Variants in TPBG observed in about 807,000 individuals in gnomAD.
The protein encoded by TPBG is 5T4 oncofetal antigen.
TPBG carries 13 observed loss-of-function variants against 19.3 expected under a neutral mutation model. The observed-to-expected ratio is 0.67, with a 90% CI of 0.44 to 1.07. The LOEUF (loss-of-function observed/expected upper bound fraction) is 1.07, where lower values mean the gene tolerates loss of function less well. TPBG is among the 50% of genes least tolerant of loss of function. TPBG has a pLI of 0.00. For missense variants in TPBG, 642 were observed against 559.6 expected (o/e 1.15, Z -1.49); for synonymous variants, 338 against 259.8 (o/e 1.30, Z -2.89).
chr6:82,363,866 C>T lies in TPBG; in HGVS notation c.-382C>T, dbSNP rs1231222609. The T allele has an allele frequency of 6.6e-6, 1 of 152,576 alleles. No homozygotes were observed. Among genetic ancestry groups the T allele is most frequent in the Admixed American group, 6.5e-5 (1 of 15,276 alleles). The allele number at this position is 152,576 out of a possible 1,614,324, so 9.5% of individuals were successfully genotyped here. ...GCGGAGCCGGGAAGTCGTCGCTACT[C>T]TGGTGGAACTCAGAGTTGGTTCTGG... On this transcript the variant is annotated 5_prime_UTR_variant, in exon 1 of 2. Coordinates refer to ENST00000369750, the MANE Select transcript of TPBG (RefSeq NM_001376922.1).
In TPBG at chr6:82,366,191, A is replaced by T. The variant is rs754110239; in HGVS notation, c.1230A>T (p.Arg410Ser). The T allele has an allele frequency of 1.2e-6, 2 of 1,604,012 alleles. No homozygotes were observed. Among genetic ancestry groups the T allele is most frequent in the Non-Finnish European group, 1.7e-6 (2 of 1,175,488 alleles). Reference sequence around the variant, plus strand: ...GATATGAAATCAATGCGGACCCCAGATTAACGAACCTCAGTTCTAACTCGG... The same window carrying T: ...GATATGAAATCAATGCGGACCCCAGTTTAACGAACCTCAGTTCTAACTCGG... ...HYRYEINADP[R>S]LTNLSSNSDV The change falls in exon 2 of 2, where the codon AGA becomes AGT. Residue 410 changes from arginine (R) to serine (S), a missense_variant. Physicochemically the swap from Arg to Ser is moderately radical, Grantham distance 110 (BLOSUM62 -1). Transcript: ENST00000369750.
chr6:82,364,352 G>A (rs942021546), intron 1 of TPBG: 1 of 152,692 alleles, frequency 6.5e-6, no homozygotes, highest in African/African-American at 2.4e-5. Flanking sequence ...CGGGAGACGA[G>A]TCTCCTCGGG....
rs1767480126 is a variant in TPBG, at chr6:82,365,735, A to G, written c.774A>G (p.Thr258=). The part of the protein sequence containing the change: ...SLTYVSFRNL[T]HLESLHLEDN... ...CCTACGTGTCCTTCCGCAACCTGAC[A>G]CATCTAGAAAGCCTCCACCTGGAGG... Residue 258 remains threonine (T), a synonymous_variant, in exon 2 of 2, where the codon ACA becomes ACG. Transcript: ENST00000369750. 6.2e-7 allele frequency: 1 copy of G among 1,613,334 alleles called. No individual in the cohort carries two copies. The highest frequency in any genetic ancestry group is 1.3e-5 in the African/African-American group (1 of 74,908).
rs1767502138 is a variant in TPBG at position 82,366,298 on chromosome 6, T to C, written c.*74T>C. 2.0e-6 allele frequency: 3 copies of C among 1,469,926 alleles called. No individual in the cohort carries two copies. Among genetic ancestry groups the C allele is most frequent in the Non-Finnish European group, 2.7e-6 (3 of 1,096,854 alleles). The allele number at this position is 1,469,926 out of a possible 1,614,324, so 91.1% of individuals were successfully genotyped here. Reference sequence around the variant, plus strand: ...TAAGCTTTATCCCTACTAGGCTTGCTCCACTTTCATCCTCCACTATAGATA... The same window carrying C: ...TAAGCTTTATCCCTACTAGGCTTGCCCCACTTTCATCCTCCACTATAGATA... On this transcript the variant is annotated 3_prime_UTR_variant, in exon 2 of 2. Coordinates refer to ENST00000369750, the MANE Select transcript of TPBG (RefSeq NM_001376922.1).
rs1283207806 is a variant in TPBG, at chr6:82,364,969, G to T, written c.8G>T (p.Gly3Val). 1.3e-6 allele frequency: 2 copies of T among 1,507,748 alleles called. No homozygotes were observed. The highest frequency in any genetic ancestry group is 5.3e-5 in the East Asian group (2 of 37,610). The allele number at this position is 1,507,748 out of a possible 1,614,324, so 93.4% of individuals were successfully genotyped here. A position where few individuals can be genotyped will look rare whatever the true frequency, so the allele number is the denominator to read the frequency against. MP[G>V]GCSRGPAAGD... ...GGGGAAACGCGAGCCGCGATGCCTGGGGGGTGCTCCCGGGGCCCCGCCGCC... is the reference window on the plus strand; with the variant it reads ...GGGGAAACGCGAGCCGCGATGCCTGTGGGGTGCTCCCGGGGCCCCGCCGCC... The change falls in exon 2 of 2, where the codon GGG becomes GTG. Residue 3 changes from glycine (G) to valine (V), a missense_variant. Gly to Val is a moderately radical substitution (Grantham distance 109). Coordinates refer to ENST00000369750, the MANE Select transcript of TPBG (RefSeq NM_001376922.1).
At position 82,365,274 on chromosome 6, in the gene TPBG, G is replaced by C; in HGVS notation, c.313G>C (p.Val105Leu). 6.4e-7 allele frequency: 1 copy of C among 1,571,692 alleles called. No individual in the cohort carries two copies. The highest frequency in any genetic ancestry group is 8.6e-7 in the Non-Finnish European group (1 of 1,168,270). Residue 105 changes from valine to leucine, a missense_variant, in exon 2 of 2, where the codon GTG becomes CTG. Coordinates refer to ENST00000369750, the MANE Select transcript of TPBG (RefSeq NM_001376922.1). ...CTTCCTTACCGGCAACCAGCTGGCC[G>C]TGCTCCCTGCCGGCGCCTTCGCCCG... is the stretch of plus-strand genomic sequence containing the variant. ...NLFLTGNQLA[V>L]LPAGAFARRP...
Position 82,366,038 on chromosome 6 carries a change from G to A in TPBG, c.1077G>A (p.Leu359=), listed in dbSNP as rs370375101. Residue 359 remains leucine (L), a synonymous_variant, in exon 2 of 2, where the codon CTG becomes CTA. Transcript: ENST00000369750. ...CCCTGCAAACCTCTTATGTCTTCCTGGGTATTGTTTTAGCCCTGATAGGCG... is the reference window on the plus strand; with the variant it reads ...CCCTGCAAACCTCTTATGTCTTCCTAGGTATTGTTTTAGCCCTGATAGGCG... ...PPSLQTSYVF[L]GIVLALIGAI... 2 of 1,613,916 alleles carry A rather than the reference G, an allele frequency of 1.2e-6. No homozygotes were observed. The highest frequency in any genetic ancestry group is 1.1e-5 in the South Asian group (1 of 91,064).
chr6:82,364,902 C>A lies in TPBG; in HGVS notation c.-60C>A. On this transcript the variant is annotated 5_prime_UTR_variant, in exon 2 of 2. Transcript: ENST00000369750. The stretch of plus-strand genomic sequence containing the variant: ...GCCGGCTCGCGCCCTCCGGGCCCAG[C>A]CTCCCGAGCCTTCGGAGCGGGCGCC... The A allele has an allele frequency of 7.6e-7, 1 of 1,322,726 alleles. No homozygotes were observed. Among genetic ancestry groups the A allele is most frequent in the South Asian group, 1.9e-5 (1 of 51,684 alleles). 81.9% of individuals were successfully genotyped at this position (1,322,726 alleles called of 1,614,324 possible). A position where few individuals can be genotyped will look rare whatever the true frequency, so the allele number is the denominator to read the frequency against.
rs1295827177 is a variant in TPBG at position 82,365,051 on chromosome 6, C to T, written c.90C>T (p.Ser30=). 3.2e-6 allele frequency: 5 copies of T among 1,550,396 alleles called. No homozygotes were observed. Among genetic ancestry groups the T allele is most frequent in the Non-Finnish European group, 4.4e-6 (5 of 1,147,090 alleles). Residue 30 remains serine, a synonymous_variant, in exon 2 of 2, where the codon TCC becomes TCT. Coordinates refer to ENST00000369750, the MANE Select transcript of TPBG (RefSeq NM_001376922.1). ...RLALVLLGWV[S]SSSPTSSASS... ...CGCTGGTACTCCTGGGCTGGGTCTC[C>T]TCGTCTTCTCCCACCTCCTCGGCAT...
rs894090585 is a variant in TPBG, at chr6:82,366,945, G to C, written c.*721G>C. Reference sequence around the variant, plus strand: ...CTTAAAAGAATTACAGTGTGTGCAAGTTTGCTTTGAAAAAAGGATGAAGGG... The same window carrying C: ...CTTAAAAGAATTACAGTGTGTGCAACTTTGCTTTGAAAAAAGGATGAAGGG... On this transcript the variant is annotated 3_prime_UTR_variant, in exon 2 of 2. Transcript: ENST00000369750. 10 of 166,520 alleles carry C rather than the reference G, an allele frequency of 6.0e-5. No homozygotes were observed. The highest frequency in any genetic ancestry group is 1.7e-4 in the African/African-American group (7 of 41,312). The allele number at this position is 166,520 out of a possible 1,614,324, so 10.3% of individuals were successfully genotyped here.
chr6:82,364,816 C>T lies in TPBG; in HGVS notation c.-146C>T. 2 of 670,466 alleles carry T rather than the reference C, an allele frequency of 3.0e-6. No homozygotes were observed. Among genetic ancestry groups the T allele is most frequent in the Non-Finnish European group, 2.2e-6 (1 of 445,614 alleles). The allele number at this position is 670,466 out of a possible 1,614,324, so 41.5% of individuals were successfully genotyped here. A position where few individuals can be genotyped will look rare whatever the true frequency, so the allele number is the denominator to read the frequency against. Reference sequence around the variant, plus strand: ...GGTGGCGAGGGGGTTAGCCAAGTTCCGGCTGCGGCGCCACTCCCTCGGTTC... The same window carrying T: ...GGTGGCGAGGGGGTTAGCCAAGTTCTGGCTGCGGCGCCACTCCCTCGGTTC... On this transcript the variant is annotated 5_prime_UTR_variant, in exon 2 of 2. Transcript: ENST00000369750.
In TPBG at chr6:82,365,953, A is replaced by G; in HGVS notation, c.992A>G (p.Asn331Ser). ...LTCAYPEKMR[N>S]RVLLELNSAD... ...TGTGCATATCCGGAAAAAATGAGGA[A>G]TCGGGTCCTCTTGGAACTCAACAGT... Residue 331 changes from asparagine to serine, a missense_variant, in exon 2 of 2, where the codon AAT (asparagine) becomes AGT (serine). Transcript: ENST00000369750. The G allele has an allele frequency of 6.2e-7, 1 of 1,614,154 alleles. No homozygotes were observed.
rs1365261618 is a variant in TPBG at position 82,365,183 on chromosome 6, A to G, written c.222A>G (p.Thr74=). 6.2e-7 allele frequency: 1 copy of G among 1,600,486 alleles called. No homozygotes were observed. The highest frequency in any genetic ancestry group is 1.7e-5 in the Admixed American group (1 of 58,478). Residue 74 remains threonine (T), a synonymous_variant, in exon 2 of 2, where the codon ACA becomes ACG. Coordinates refer to ENST00000369750, the MANE Select transcript of TPBG (RefSeq NM_001376922.1). ...ALCECSEAAR[T]VKCVNRNLTE... ...GCGAGTGCTCCGAGGCAGCGCGCACAGTCAAGTGCGTTAACCGCAATCTGA... is the reference window on the plus strand; with the variant it reads ...GCGAGTGCTCCGAGGCAGCGCGCACGGTCAAGTGCGTTAACCGCAATCTGA...
Position 82,366,935 on chromosome 6 carries a change from G to C in TPBG, c.*711G>C, listed in dbSNP as rs1054024841. The C allele has an allele frequency of 6.0e-6, 1 of 166,488 alleles. No homozygotes were observed. Among genetic ancestry groups the C allele is most frequent in the Non-Finnish European group, 1.5e-5 (1 of 68,048 alleles). 10.3% of individuals were successfully genotyped at this position (166,488 alleles called of 1,614,324 possible). A position where few individuals can be genotyped will look rare whatever the true frequency, so the allele number is the denominator to read the frequency against. ...AATAAAGATTCTTAAAAGAATTACA[G>C]TGTGTGCAAGTTTGCTTTGAAAAAA... On this transcript the variant is annotated 3_prime_UTR_variant, in exon 2 of 2. Transcript: ENST00000369750.
rs1582037370 is a variant in TPBG at position 82,365,003 on chromosome 6, G to C, written c.42G>C (p.Gly14=). The C allele has an allele frequency of 2.0e-6, 3 of 1,531,404 alleles. No homozygotes were observed. Among genetic ancestry groups the C allele is most frequent in the Non-Finnish European group, 2.6e-6 (3 of 1,139,902 alleles). 94.9% of individuals were successfully genotyped at this position (1,531,404 alleles called of 1,614,324 possible). Residue 14 remains glycine (G), a synonymous_variant, in exon 2 of 2, where the codon GGG becomes GGC. Transcript: ENST00000369750. ...CCCGGGGCCCCGCCGCCGGGGACGG[G>C]CGTCTGCGGCTGGCGCGACTAGCGC... The part of the protein sequence containing the change: ...GCSRGPAAGD[G]RLRLARLALV...
At position 82,365,795 on chromosome 6, in the gene TPBG, G is replaced by A; in HGVS notation, c.834G>A (p.Leu278=). ...TCAAGGTCCTTCACAATGGCACCCT[G>A]GCTGAGTTGCAAGGTCTACCCCACA... ...NALKVLHNGT[L]AELQGLPHIR... is the part of the protein sequence containing the mutation. The change falls in exon 2 of 2, where the codon CTG becomes CTA. Residue 278 remains leucine (L), a synonymous_variant. Coordinates refer to ENST00000369750, the MANE Select transcript of TPBG (RefSeq NM_001376922.1). 1 of 1,614,182 alleles carries A rather than the reference G, an allele frequency of 6.2e-7. No individual in the cohort carries two copies. The highest frequency in any genetic ancestry group is 8.5e-7 in the Non-Finnish European group (1 of 1,180,046).
rs1337248439 is a variant in TPBG at position 82,365,586 on chromosome 6, C to A, written c.625C>A (p.Leu209Met). ...VVAALLAGRA[L>M]QGLRRLELAS... ...GGCGGCCCTGCTGGCGGGCCGTGCA[C>A]TGCAGGGGCTCCGCCGCTTGGAGCT... is the stretch of plus-strand genomic sequence containing the variant. The change falls in exon 2 of 2, where the codon CTG (leucine) becomes ATG (methionine). Residue 209 changes from leucine (L) to methionine (M), a missense_variant. Transcript: ENST00000369750. 2.1e-5 allele frequency: 33 copies of A among 1,596,164 alleles called. No individual in the cohort carries two copies. The highest frequency in any genetic ancestry group is 6.8e-5 in the Admixed American group (4 of 58,536).
upstream of TPBG, chr6:82,363,255 A>T (rs1272703625): frequency 4.8e-5 from 7 of 147,108 alleles, no homozygotes; most frequent in African/African-American, 1.8e-4. Context: ...CACAAGTTCC[A>T]TCACTACCCA....
chr6:82,363,828 CG>C lies in TPBG; in HGVS notation c.-418del. ...CCAGGGGCTGGGGTGCGAAGAGAGT[CG>C]GCGCCCGCAACGCGGAGCCGGGAAG... On this transcript the variant is annotated 5_prime_UTR_variant, in exon 1 of 2. Transcript: ENST00000369750. 6.6e-6 allele frequency: 1 copy of C among 152,388 alleles called. No individual in the cohort carries two copies. Among genetic ancestry groups the C allele is most frequent in the Non-Finnish European group, 1.5e-5 (1 of 68,274 alleles). 9.4% of individuals were successfully genotyped at this position (152,388 alleles called of 1,614,324 possible).
Sources: allele counts gnomAD v4.1 joint callset, GRCh38; gene constraint gnomAD v4.1.1; transcripts MANE v1.5; gene names NCBI Gene and HGNC (gene_info 2026-07-23, HGNC 2026-07-21).